The following OPHN1 variants were observed in gnomAD, a reference collection of about 807,000 sequenced individuals.
OPHN1 encodes oligophrenin 1.
OPHN1 carries 11 observed loss-of-function variants against 60.7 expected under a neutral mutation model. The observed-to-expected ratio is 0.18, with a 90% CI of 0.11 to 0.30. The LOEUF (loss-of-function observed/expected upper bound fraction) is 0.30. Among genes scored for constraint, OPHN1 ranks in the 10% least tolerant of loss-of-function variants. The probability of loss-of-function intolerance (pLI) is 1.00; values close to 1 mark genes in which losing one functional copy is unlikely to be tolerated. For missense variants in OPHN1, 449 were observed against 611.0 expected, an observed-to-expected ratio of 0.73 and a Z score of 2.80; for synonymous variants, 226 against 222.6, an observed-to-expected ratio of 1.02 and a Z score of -0.14.
intron 10 of OPHN1, among the ~76,000 whole-genome samples, chrX:68,204,272 C>T (rs778562652): frequency 8.9e-6 from 1 of 111,737 alleles, no homozygotes; most frequent in South Asian, 3.8e-4. Context: ...GAAAATTGAC[C>T]ATGAAAACAC....
chrX:68,215,252 C>CA (rs1043545709), intron 6 of OPHN1, among the ~76,000 whole-genome samples: 3 of 108,353 alleles, frequency 2.8e-5, no homozygotes, highest in African/African-American at 1.0e-4. Context: ...AAATACATGT[C>CA]AAAAAAAATG....
chrX:68,123,590 A>G (rs1362463643), intron 15 of OPHN1, among the ~76,000 whole-genome samples: 1 of 112,055 alleles, frequency 8.9e-6, no homozygotes, highest in Non-Finnish European at 1.9e-5. Context: ...GGCAGAAAAA[A>G]TTATGGTGTA....
chrX:68,055,548 T>C (rs1426626911), intron 21 of OPHN1, among the ~76,000 whole-genome samples: 3 of 112,038 alleles, frequency 2.7e-5, no homozygotes, highest in Non-Finnish European at 5.6e-5. Context: ...AGTGTGGCGA[T>C]TCCTCAAGGA....
chrX:68,177,691 AAGAG>A (rs1777128410), intron 15 of OPHN1, among the ~76,000 whole-genome samples: 1 of 110,671 alleles, frequency 9.0e-6, no homozygotes, highest in South Asian at 3.9e-4. Context: ...GAATGGGAGG[AAGAG>A]AGAGAGTGGG....
At chrX:68,164,913 C>T (rs2077350978) in intron 15 of OPHN1, among the ~76,000 whole-genome samples, 2 of 112,630 alleles carry the variant, frequency 1.8e-5, no homozygotes, top group Admixed American at 1.9e-4. Context: ...GCACTTGCTG[C>T]TTCACTTTGC....
intron 20 of OPHN1, chrX:68,071,560 C>T (rs755718103): frequency 1.3e-4 from 76 of 588,495 alleles, no homozygotes; most frequent in Non-Finnish European, 2.2e-4. Flanking sequence ...GGCATAGGGA[C>T]ACCATCAGGC....
chrX:68,385,769 A>T (rs1481811758), intron 2 of OPHN1, among the ~76,000 whole-genome samples: 2 of 112,297 alleles, frequency 1.8e-5, no homozygotes. Flanking sequence ...TTTCTTAACA[A>T]CCATTTGCTT....
chrX:68,070,581 G>T, intron 20 of OPHN1: 1 of 650,688 alleles, frequency 1.5e-6, no homozygotes, highest in Non-Finnish European at 2.6e-6. Context: ...CTCTAAACTG[G>T]CACCACCCGT....
chrX:68,214,252 T>C (rs2077598204), intron 6 of OPHN1, among the ~76,000 whole-genome samples: 1 of 112,386 alleles, frequency 8.9e-6, no homozygotes, highest in Non-Finnish European at 1.9e-5. Flanking sequence ...CATTTTATTA[T>C]ATTCAACAGA....
At position 68,213,547 on chromosome X, in the gene OPHN1, C is replaced by T. The variant is rs1051086852; in HGVS notation, c.597+315G>A. ...AAAGACTTTCAGAAGCTTCTGAAAGCGCAAGAAGAAGGAAGGGAGGGAAAC... is the reference window on the plus strand; with the variant it reads ...AAAGACTTTCAGAAGCTTCTGAAAGTGCAAGAAGAAGGAAGGGAGGGAAAC... On this transcript the variant is annotated intron_variant, in intron 7 of 24. Transcript: ENST00000355520. Among the ~76,000 whole-genome samples, 7 of 106,289 alleles carry T rather than the reference C, an allele frequency of 6.6e-5. No homozygotes were observed. The Admixed American group carries it at 7.2e-4, about 11-fold the overall frequency. The allele number at this position is 106,289 out of a possible 115,157, so 92.3% of individuals were successfully genotyped here.
intron 15 of OPHN1, among the ~76,000 whole-genome samples, chrX:68,138,553 A>G (rs1204582135): frequency 2.7e-5 from 3 of 112,222 alleles, no homozygotes; most frequent in Non-Finnish European, 5.6e-5. Flanking sequence ...AAAGCCTACA[A>G]GATAAACAGT....
At chrX:68,336,850 T>A (rs2078325925) in intron 2 of OPHN1, among the ~76,000 whole-genome samples, 3 of 110,466 alleles carry the variant, frequency 2.7e-5, no homozygotes, top group South Asian at 3.9e-4. Context: ...GGTCAGGAGT[T>A]TGAGACCAGC....
intron 18 of OPHN1, among the ~76,000 whole-genome samples, chrX:68,100,982 G>A (rs775054583): frequency 3.9e-4 from 43 of 110,946 alleles, no homozygotes; most frequent in South Asian, 3.1e-3. Flanking sequence ...TCCTGACCTC[G>A]TGATCCGCCC....
At position 68,139,871 on chromosome X, in the gene OPHN1, A is replaced by G. The variant is rs191006834; in HGVS notation, c.1277-20539T>C. Among the ~76,000 whole-genome samples the G allele has an allele frequency of 6.6e-3, 739 of 112,139 alleles. 7 individuals carry two copies. Among genetic ancestry groups the G allele is most frequent in the African/African-American group, 0.023 (707 of 30,874 alleles). Reference sequence around the variant, plus strand: ...TAGGGGACTAAGAAAACTCTAACCCAGACACCAACCTCTTAAGAATAACTA... The same window carrying G: ...TAGGGGACTAAGAAAACTCTAACCCGGACACCAACCTCTTAAGAATAACTA... On this transcript the variant is annotated intron_variant, in intron 15 of 24. Coordinates refer to ENST00000355520, the MANE Select transcript of OPHN1 (RefSeq NM_002547.3).
At chrX:68,291,090 G>T (rs1426317994) in intron 3 of OPHN1, among the ~76,000 whole-genome samples, 1 of 111,456 alleles carries the variant, frequency 9.0e-6, no homozygotes, top group Non-Finnish European at 1.9e-5. Flanking sequence ...TCTGAACTCA[G>T]GTCCAGCCAA....
At chrX:68,222,626 T>C (rs776843972) in intron 6 of OPHN1, among the ~76,000 whole-genome samples, 1 of 107,158 alleles carries the variant, frequency 9.3e-6, no homozygotes, top group South Asian at 4.4e-4. Flanking sequence ...ATGTCCTTTG[T>C]AGGGACATGG....
chrX:68,162,425 G>C (rs1442828683), intron 15 of OPHN1, among the ~76,000 whole-genome samples: 2 of 109,964 alleles, frequency 1.8e-5, no homozygotes, highest in African/African-American at 6.6e-5. Context: ...TAAATGAAGA[G>C]ATTATTTTTT....
intron 3 of OPHN1, among the ~76,000 whole-genome samples, chrX:68,294,647 A>G (rs1012898203): frequency 3.6e-5 from 4 of 111,184 alleles, no homozygotes; most frequent in South Asian, 3.8e-4. Context: ...GATGCTCAAT[A>G]AAATGTTATT....
intron 21 of OPHN1, among the ~76,000 whole-genome samples, chrX:68,059,301 G>A (rs1389873187): frequency 3.6e-5 from 4 of 111,646 alleles, no homozygotes; most frequent in African/African-American, 1.3e-4. Context: ...ATGGTCATCA[G>A]TATTCAACCT....
Sources: allele counts gnomAD v4.1 joint callset (sites outside exome capture counted in the v4.1 genomes callset), GRCh38; gene constraint gnomAD v4.1.1; transcripts MANE v1.5; gene names NCBI Gene and HGNC (gene_info 2026-07-23, HGNC 2026-07-21).